NRXN1: variants seen among roughly 807,000 people sequenced by gnomAD.
NRXN1 encodes neurexin 1.
A neutral mutation model predicts 150.9 loss-of-function variants in NRXN1; 39 were observed. The ratio of observed to expected loss-of-function variants is 0.26; its 90% CI spans 0.20 to 0.34. The LOEUF (loss-of-function observed/expected upper bound fraction) is 0.34. Among genes scored for constraint, NRXN1 ranks in the 10% least tolerant of loss-of-function variants. The probability of loss-of-function intolerance (pLI) is 1.00; values close to 1 mark genes in which losing one functional copy is unlikely to be tolerated. For synonymous variants in NRXN1, 924 were observed against 757.0 expected (o/e 1.22, Z -3.62); for missense variants, 1,815 against 1,949.9 (o/e 0.93, Z 1.30).
At chr2:50,043,688 T>A (rs1025913706) in intron 21 of NRXN1, among the ~76,000 whole-genome samples, 3 of 152,312 alleles carry the variant, frequency 2.0e-5, no homozygotes, top group Middle Eastern at 3.4e-3. Flanking sequence ...TCAGTTTTTC[T>A]CAAGTGTGTT....
In NRXN1 at chr2:50,962,517, GGTTTGTTT is replaced by G. The variant is rs4031417; in HGVS notation, c.773-36570_773-36563del. On this transcript the variant is annotated intron_variant, in intron 2 of 22. Coordinates refer to ENST00000401669, the MANE Select transcript of NRXN1 (RefSeq NM_001330078.2). Reference sequence around the variant, plus strand: ...TATATATTCACAGAGCCAAGTGCTTGGTTTGTTTGTTTGTTTGTTTGTTTGTTTGTTTA... The same window carrying G: ...TATATATTCACAGAGCCAAGTGCTTGGTTTGTTTGTTTGTTTGTTTGTTTA... 3.7e-3 allele frequency among the ~76,000 whole-genome samples: 549 copies of G among 149,516 alleles called. 3 individuals are homozygous for G. The highest frequency in any genetic ancestry group is 0.012 in the African/African-American group (489 of 40,852).
At chr2:50,701,144 CTTGTCTATTACA>C (rs1181161148) in intron 5 of NRXN1, among the ~76,000 whole-genome samples, 1 of 152,050 alleles carries the variant, frequency 6.6e-6, no homozygotes, top group Non-Finnish European at 1.5e-5. Flanking sequence ...TTTATCACAC[CTTGTCTATTACA>C]TTTTTGAACA....
At chr2:49,966,012 T>A (rs898429793) in intron 21 of NRXN1, among the ~76,000 whole-genome samples, 1 of 152,220 alleles carries the variant, frequency 6.6e-6, no homozygotes, top group Non-Finnish European at 1.5e-5. Context: ...TTCTTACGAA[T>A]ACCAGAGAGA....
At chr2:50,209,326 A>G (rs577541891) in intron 18 of NRXN1, among the ~76,000 whole-genome samples, 1 of 152,286 alleles carries the variant, frequency 6.6e-6, no homozygotes, top group South Asian at 2.1e-4. Context: ...AATTCAAGGC[A>G]TTAACATAAA....
chr2:51,019,114 A>AAC (rs1669192728), intron 2 of NRXN1, among the ~76,000 whole-genome samples: 1 of 152,048 alleles, frequency 6.6e-6, no homozygotes. Flanking sequence ...CTAGTGAACA[A>AAC]ACAGCCCAGC....
intron 5 of NRXN1, among the ~76,000 whole-genome samples, chr2:50,771,211 A>C (rs1702972865): frequency 6.6e-6 from 1 of 152,106 alleles, no homozygotes. Flanking sequence ...AAGAAATCTT[A>C]TGATCATCAT....
chr2:50,379,266 C>A (rs1231195562), intron 17 of NRXN1, among the ~76,000 whole-genome samples: 1 of 152,086 alleles, frequency 6.6e-6, no homozygotes, highest in Non-Finnish European at 1.5e-5. Context: ...CAGGTCAAAG[C>A]CCTATCAGTC....
chr2:50,376,479 G>T (rs1445582880), intron 17 of NRXN1, among the ~76,000 whole-genome samples: 2 of 152,002 alleles, frequency 1.3e-5, no homozygotes, highest in Non-Finnish European at 2.9e-5. Context: ...CTCAAACATT[G>T]AGAAATTGTG....
intron 12 of NRXN1, among the ~76,000 whole-genome samples, chr2:50,525,024 A>C (rs747634929): frequency 3.3e-5 from 5 of 152,188 alleles, no homozygotes; most frequent in African/African-American, 4.8e-5. Context: ...GAATGAGACT[A>C]ATGTCCTGTA....
chr2:50,849,868 A>G (rs1022680500), intron 5 of NRXN1, among the ~76,000 whole-genome samples: 2 of 152,230 alleles, frequency 1.3e-5, no homozygotes. Context: ...CAGTACACAC[A>G]CACACATCAT....
chr2:50,612,529 C>A (rs897703661), intron 8 of NRXN1, among the ~76,000 whole-genome samples: 2 of 152,170 alleles, frequency 1.3e-5, no homozygotes, highest in Admixed American at 1.3e-4. Flanking sequence ...GGGTAACTCA[C>A]TGGATGTTGT....
At chr2:50,516,959 G>T (rs181373219) in intron 12 of NRXN1, among the ~76,000 whole-genome samples, 6 of 152,254 alleles carry the variant, frequency 3.9e-5, no homozygotes, top group African/African-American at 1.2e-4. Flanking sequence ...ATCCACTGGA[G>T]AAATTAAATA....
At chr2:50,735,477 T>C (rs1010386357) in intron 5 of NRXN1, among the ~76,000 whole-genome samples, 5 of 152,130 alleles carry the variant, frequency 3.3e-5, no homozygotes, top group Admixed American at 6.6e-5. Context: ...TAGAAGCCAC[T>C]GGGAATTTTG....
At chr2:50,074,551 T>C (rs1204211336) in intron 19 of NRXN1, among the ~76,000 whole-genome samples, 2 of 152,276 alleles carry the variant, frequency 1.3e-5, no homozygotes, top group South Asian at 4.1e-4. Flanking sequence ...GGCACATATA[T>C]ATGATGGCTA....
At chr2:50,605,703 A>G (rs541291272) in intron 8 of NRXN1, among the ~76,000 whole-genome samples, 12 of 152,172 alleles carry the variant, frequency 7.9e-5, no homozygotes, top group Non-Finnish European at 1.6e-4. Context: ...AACATGCAAA[A>G]TGGTGCAGCT....
intron 19 of NRXN1, among the ~76,000 whole-genome samples, chr2:50,073,767 A>C (rs914175730): frequency 1.3e-5 from 2 of 152,180 alleles, no homozygotes; most frequent in Non-Finnish European, 2.9e-5. Context: ...TAGGCCTGTT[A>C]ATCTCTTTTT....
chr2:49,950,370 A>T (rs903567777), intron 21 of NRXN1, among the ~76,000 whole-genome samples: 1 of 151,938 alleles, frequency 6.6e-6, no homozygotes, highest in Non-Finnish European at 1.5e-5. Flanking sequence ...TTTAATAAAC[A>T]TAAAAATAAT....
At chr2:50,775,604 T>C (rs980302043) in intron 5 of NRXN1, among the ~76,000 whole-genome samples, 1 of 152,134 alleles carries the variant, frequency 6.6e-6, no homozygotes, top group Non-Finnish European at 1.5e-5. Flanking sequence ...ATTGGGCCTT[T>C]AAAGACACGA....
At chr2:50,279,776 A>G (rs1289536472) in intron 17 of NRXN1, among the ~76,000 whole-genome samples, 1 of 152,226 alleles carries the variant, frequency 6.6e-6, no homozygotes, top group Non-Finnish European at 1.5e-5. Flanking sequence ...TCAAATTAGT[A>G]GCGATAAAAT....
Sources: gnomAD v4.1 joint callset for allele counts (sites outside exome capture counted in the v4.1 genomes callset) on GRCh38, gnomAD v4.1.1 for gene constraint, MANE v1.5 for transcripts, NCBI Gene and HGNC (gene_info 2026-07-23, HGNC 2026-07-21) for gene names.